Variants in LRRC4C observed in about 807,000 individuals in gnomAD.
LRRC4C encodes leucine-rich repeat-containing protein 4C.
LRRC4C carries 5 observed loss-of-function variants against 33.6 expected under a neutral mutation model. That is an observed-to-expected ratio of 0.15 (90% CI 0.08 to 0.31). The LOEUF (loss-of-function observed/expected upper bound fraction) is 0.31. Ranked by LOEUF, LRRC4C falls within the 10% of genes least tolerant of loss-of-function variation. The probability of loss-of-function intolerance (pLI) is 1.00; values close to 1 mark genes in which losing one functional copy is unlikely to be tolerated. For missense variants in LRRC4C, 560 were observed against 796.7 expected (o/e 0.70, Z 3.58); for synonymous variants, 329 against 302.0 (o/e 1.09, Z -0.93).
intron 3 of LRRC4C, among the ~76,000 whole-genome samples, chr11:40,645,120 T>C (rs1942368648): frequency 6.6e-6 from 1 of 152,184 alleles, no homozygotes; most frequent in Non-Finnish European, 1.5e-5. Flanking sequence ...ATAGCCCTGA[T>C]ACCTAAGTGG....
At chr11:40,365,880 T>C (rs115158054) in intron 3 of LRRC4C, among the ~76,000 whole-genome samples, 1,584 of 152,210 alleles carry the variant, frequency 0.01, 25 homozygotes, top group African/African-American at 0.036. Flanking sequence ...ATACTATTGA[T>C]ATATTTTTAA....
At chr11:40,587,796 T>G (rs1958830391) in intron 3 of LRRC4C, among the ~76,000 whole-genome samples, 1 of 152,188 alleles carries the variant, frequency 6.6e-6, no homozygotes, top group South Asian at 2.1e-4. Context: ...TTGCGTATAT[T>G]GAACCAGCCT....
intron 5 of LRRC4C, among the ~76,000 whole-genome samples, chr11:40,187,268 A>G (rs1348045833): frequency 2.0e-5 from 3 of 151,678 alleles, no homozygotes; most frequent in African/African-American, 7.3e-5. Flanking sequence ...GCAGAGGCAC[A>G]CTCAGCTGAA....
intron 3 of LRRC4C, among the ~76,000 whole-genome samples, chr11:40,612,569 T>C (rs1250989675): frequency 1.3e-5 from 2 of 151,908 alleles, no homozygotes; most frequent in Admixed American, 6.6e-5. Context: ...AAAAGAACAT[T>C]AATTGAAATA....
intron 1 of LRRC4C, among the ~76,000 whole-genome samples, chr11:41,160,451 G>T (rs1565437950): frequency 6.6e-6 from 1 of 151,036 alleles, no homozygotes; most frequent in Non-Finnish European, 1.5e-5. Flanking sequence ...TTTACCACTA[G>T]AAATTTTTAT....
intron 5 of LRRC4C, among the ~76,000 whole-genome samples, chr11:40,152,835 C>A (rs1042078569): frequency 6.6e-6 from 1 of 152,160 alleles, no homozygotes; most frequent in African/African-American, 2.4e-5. Flanking sequence ...CCACCTCTAC[C>A]TGATGGTCCT....
chr11:40,392,138 A>G (rs1213886259), intron 3 of LRRC4C, among the ~76,000 whole-genome samples: 1 of 152,096 alleles, frequency 6.6e-6, no homozygotes, highest in Non-Finnish European at 1.5e-5. Flanking sequence ...GTTTGTGGGG[A>G]TGAGGGGAAA....
intron 3 of LRRC4C, among the ~76,000 whole-genome samples, chr11:40,638,278 A>C (rs900747878): frequency 3.3e-5 from 5 of 152,220 alleles, no homozygotes; most frequent in African/African-American, 1.2e-4. Context: ...TCTCTGCTAT[A>C]TCTCCAAAGC....
chr11:41,047,532 TA>T (rs903159900), intron 1 of LRRC4C, among the ~76,000 whole-genome samples: 3 of 152,058 alleles, frequency 2.0e-5, no homozygotes, highest in African/African-American at 4.8e-5. Flanking sequence ...ACTTTACATA[TA>T]AAAATGGTGA....
intron 3 of LRRC4C, among the ~76,000 whole-genome samples, chr11:40,423,797 C>T (rs957236219): frequency 6.6e-6 from 1 of 152,006 alleles, no homozygotes; most frequent in African/African-American, 2.4e-5. Context: ...GCTATGAATA[C>T]AAGAGTTAAG....
At chr11:40,389,117 T>G (rs1949233902) in intron 3 of LRRC4C, among the ~76,000 whole-genome samples, 1 of 152,134 alleles carries the variant, frequency 6.6e-6, no homozygotes, top group South Asian at 2.1e-4. Context: ...GGCCATTTAT[T>G]ATTTAGTAAA....
intron 3 of LRRC4C, among the ~76,000 whole-genome samples, chr11:40,492,811 A>G (rs1954229770): frequency 6.6e-6 from 1 of 152,132 alleles, no homozygotes; most frequent in African/African-American, 2.4e-5. Context: ...ATATACAGAT[A>G]TCTGCAGTTA....
At chr11:40,811,897 G>A (rs1385182431) in intron 2 of LRRC4C, among the ~76,000 whole-genome samples, 3 of 152,142 alleles carry the variant, frequency 2.0e-5, no homozygotes, top group African/African-American at 7.2e-5. Flanking sequence ...GTGAGATAGG[G>A]AGGATAATAG....
intron 3 of LRRC4C, among the ~76,000 whole-genome samples, chr11:40,628,352 C>G (rs1274594370): frequency 6.6e-6 from 1 of 152,086 alleles, no homozygotes; most frequent in Admixed American, 6.6e-5. Flanking sequence ...GTGGCGGGTG[C>G]CTGTAGTCCC....
At chr11:40,342,658 AC>A (rs1946923066) in intron 3 of LRRC4C, among the ~76,000 whole-genome samples, 1 of 152,156 alleles carries the variant, frequency 6.6e-6, no homozygotes, top group Admixed American at 6.6e-5. Context: ...TACTAATGAA[AC>A]ACTGGCTGGC....
intron 3 of LRRC4C, among the ~76,000 whole-genome samples, chr11:40,569,726 T>C (rs1591135812): frequency 6.6e-6 from 1 of 152,164 alleles, no homozygotes; most frequent in Admixed American, 6.6e-5. Context: ...GTGATCATTA[T>C]GAGTTCAACA....
intron 2 of LRRC4C, among the ~76,000 whole-genome samples, chr11:40,782,814 G>A: frequency 6.6e-6 from 1 of 151,836 alleles, no homozygotes; most frequent in East Asian, 1.9e-4. Flanking sequence ...TTCTGTCACT[G>A]TCTCTCTCTG....
At chr11:41,010,607 C>T (rs2137520518) in intron 1 of LRRC4C, among the ~76,000 whole-genome samples, 2 of 152,254 alleles carry the variant, frequency 1.3e-5, no homozygotes, top group Middle Eastern at 6.8e-3. Flanking sequence ...CCAAAAGAGG[C>T]TTAACTACTG....
chr11:40,389,089 A>G (rs1949232085), intron 3 of LRRC4C, among the ~76,000 whole-genome samples: 1 of 152,148 alleles, frequency 6.6e-6, no homozygotes, highest in Non-Finnish European at 1.5e-5. Flanking sequence ...ATGCATAGGA[A>G]AGGAGAAAGG....
Sources: allele counts gnomAD v4.1 joint callset (sites outside exome capture counted in the v4.1 genomes callset), GRCh38; gene constraint gnomAD v4.1.1; transcripts MANE v1.5; gene names NCBI Gene and HGNC (gene_info 2026-07-23, HGNC 2026-07-21).